Variants in PTPRT observed in about 807,000 individuals in gnomAD.
PTPRT encodes the protein receptor-type tyrosine-protein phosphatase T.
Under a neutral mutation model 176.8 loss-of-function variants are expected in PTPRT, and 56 were observed. The observed-to-expected ratio is 0.32, with a 90% CI of 0.26 to 0.40. PTPRT has a LOEUF of 0.40. Ranked by LOEUF, PTPRT falls within the 10% of genes least tolerant of loss-of-function variation. The pLI, the probability that PTPRT is intolerant of heterozygous loss-of-function variation, is 1.00. For synonymous variants in PTPRT, 783 were observed against 739.0 expected (o/e 1.06, Z -0.96); for missense variants, 1,540 against 1,908.2 (o/e 0.81, Z 3.60).
chr20:42,428,126 T>C (rs2059182994), intron 9 of PTPRT, among the ~76,000 whole-genome samples: 1 of 152,218 alleles, frequency 6.6e-6, no homozygotes, highest in Admixed American at 6.5e-5. Context: ...AATTAGGTTT[T>C]ATCATAAGAA....
chr20:42,610,614 A>G (rs1010640860), intron 7 of PTPRT, among the ~76,000 whole-genome samples: 1 of 152,146 alleles, frequency 6.6e-6, no homozygotes, highest in African/African-American at 2.4e-5. Flanking sequence ...TTAGAATTAT[A>G]TAAATAAGTC....
chr20:42,702,552 GC>G (rs1157745126), intron 6 of PTPRT, among the ~76,000 whole-genome samples: 2 of 152,142 alleles, frequency 1.3e-5, no homozygotes, highest in Non-Finnish European at 2.9e-5. Flanking sequence ...AGCAAAGGGA[GC>G]AAAACTCTTA....
intron 9 of PTPRT, among the ~76,000 whole-genome samples, chr20:42,409,800 A>G (rs190252279): frequency 6.6e-6 from 1 of 152,334 alleles, no homozygotes; most frequent in Admixed American, 6.5e-5. Flanking sequence ...ATATAGCAAC[A>G]CATTTTTGTT....
intron 7 of PTPRT, among the ~76,000 whole-genome samples, chr20:42,638,321 C>T (rs756580093): frequency 2.6e-5 from 4 of 152,010 alleles, no homozygotes; most frequent in Admixed American, 6.6e-5. Context: ...GTCCATTTAG[C>T]GGGGCTGAAC....
intron 7 of PTPRT, among the ~76,000 whole-genome samples, chr20:42,519,226 C>T (rs766784269): frequency 8.5e-5 from 13 of 152,088 alleles, no homozygotes; most frequent in Non-Finnish European, 1.5e-4. Context: ...TAGAATCATA[C>T]AGCATGAAAC....
rs1323122817 is a variant in PTPRT at position 43,087,606 on chromosome 20, T to G, written c.88+102040A>C. Among the ~76,000 whole-genome samples the G allele has an allele frequency of 2.0e-5, 3 of 152,058 alleles. No individual in the cohort carries two copies. The East Asian group carries it at 5.8e-4, about 29-fold the overall frequency. On this transcript the variant is annotated intron_variant, in intron 1 of 30. Coordinates refer to ENST00000373187, the MANE Select transcript of PTPRT (RefSeq NM_007050.6). ...CTCAAACTCCTGACCTCAAGTGATCTGCCTGCCTCGGCCTCCCAAAGTGCT... is the reference window on the plus strand; with the variant it reads ...CTCAAACTCCTGACCTCAAGTGATCGGCCTGCCTCGGCCTCCCAAAGTGCT...
intron 1 of PTPRT, among the ~76,000 whole-genome samples, chr20:43,127,150 G>A (rs989196097): frequency 2.6e-5 from 4 of 152,182 alleles, no homozygotes; most frequent in South Asian, 2.1e-4. Flanking sequence ...GCGGCCGGGC[G>A]CGGTGGCTCA....
At chr20:42,370,888 C>G (rs2058578004) in intron 9 of PTPRT, among the ~76,000 whole-genome samples, 1 of 152,174 alleles carries the variant, frequency 6.6e-6, no homozygotes, top group African/African-American at 2.4e-5. Context: ...TTGCCTCCTC[C>G]CTACCCCAGG....
intron 13 of PTPRT, among the ~76,000 whole-genome samples, chr20:42,278,141 G>A (rs1332623401): frequency 8.9e-6 from 1 of 111,974 alleles, no homozygotes; most frequent in African/African-American, 3.3e-5. Context: ...ATATTTGCAA[G>A]TTGTGATGAG....
chr20:43,026,580 G>A (rs1985922991), intron 1 of PTPRT, among the ~76,000 whole-genome samples: 1 of 152,104 alleles, frequency 6.6e-6, no homozygotes, highest in Non-Finnish European at 1.5e-5. Flanking sequence ...CAAGCATTTA[G>A]CCTTTGTGTT....
At chr20:42,630,761 C>T (rs1028948999) in intron 7 of PTPRT, among the ~76,000 whole-genome samples, 2 of 152,124 alleles carry the variant, frequency 1.3e-5, no homozygotes, top group South Asian at 4.1e-4. Context: ...TTAGCGATTG[C>T]CATGCAGGCC....
intron 9 of PTPRT, among the ~76,000 whole-genome samples, chr20:42,440,766 CAT>C (rs2059308680): frequency 6.6e-6 from 1 of 152,196 alleles, no homozygotes; most frequent in East Asian, 1.9e-4. Context: ...CGTGAGCCAC[CAT>C]GCCCGGCCTG....
chr20:42,325,928 G>A (rs1037308896), intron 11 of PTPRT, among the ~76,000 whole-genome samples: 2 of 152,018 alleles, frequency 1.3e-5, no homozygotes, highest in African/African-American at 4.8e-5. Context: ...CCTTGCTCTC[G>A]CTATCCCCTT....
At chr20:42,513,044 G>A (rs6102881) in intron 7 of PTPRT, among the ~76,000 whole-genome samples, 19,444 of 151,952 alleles carry the variant, frequency 0.13, 1,341 homozygotes, top group African/African-American at 0.17. Context: ...ATTTTTAGTG[G>A]AGACAGGGTT....
At chr20:42,612,366 G>A (rs2073989629) in intron 7 of PTPRT, among the ~76,000 whole-genome samples, 1 of 152,170 alleles carries the variant, frequency 6.6e-6, no homozygotes, top group African/African-American at 2.4e-5. Context: ...ATGGGGAAGA[G>A]GGGAGAAACA....
intron 7 of PTPRT, among the ~76,000 whole-genome samples, chr20:42,612,723 A>T (rs550482377): frequency 6.6e-6 from 1 of 152,154 alleles, no homozygotes; most frequent in African/African-American, 2.4e-5. Context: ...AGCTTTTAAG[A>T]CATTATATAT....
chr20:42,727,396 G>C (rs1192817059), intron 6 of PTPRT, among the ~76,000 whole-genome samples: 1 of 152,208 alleles, frequency 6.6e-6, no homozygotes, highest in Admixed American at 6.5e-5. Context: ...ACAATAGCTA[G>C]CAGAGATTTC....
chr20:42,725,009 T>TGTG (rs1569113401), intron 6 of PTPRT, among the ~76,000 whole-genome samples: 18 of 133,958 alleles, frequency 1.3e-4, no homozygotes, highest in African/African-American at 4.7e-4. Context: ...TGGACATCTT[T>TGTG]TGTGTGTGTG....
chr20:42,474,801 C>T (rs1322365733), intron 7 of PTPRT, among the ~76,000 whole-genome samples: 1 of 152,156 alleles, frequency 6.6e-6, no homozygotes, highest in Non-Finnish European at 1.5e-5. Flanking sequence ...CGTTGCCTAG[C>T]TGGGGCCTGT....
Sources: allele counts gnomAD v4.1 joint callset (sites outside exome capture counted in the v4.1 genomes callset), GRCh38; gene constraint gnomAD v4.1.1; transcripts MANE v1.5; gene names NCBI Gene and HGNC (gene_info 2026-07-23, HGNC 2026-07-21).